The following COL21A1 variants were observed in gnomAD, a reference collection of about 807,000 sequenced individuals.
The protein encoded by COL21A1 is collagen type XXI alpha 1 chain.
A neutral mutation model predicts 137.9 loss-of-function variants in COL21A1; 149 were observed. That is an observed-to-expected ratio of 1.08 (90% confidence interval 0.95 to 1.24). The LOEUF is 1.24. Ranked by LOEUF, COL21A1 falls within the 50% of genes most tolerant of loss-of-function variation. The probability of loss-of-function intolerance (pLI) is 0.00; values close to 1 mark genes in which losing one functional copy is unlikely to be tolerated. For missense variants in COL21A1, 1,167 were observed against 1,158.4 expected, an observed-to-expected ratio of 1.01 and a Z score of -0.11; for synonymous variants, 456 against 391.5, an observed-to-expected ratio of 1.16 and a Z score of -1.95.
chr6:56,193,083 G>T (rs148870453), intron 1 of COL21A1, among the ~76,000 whole-genome samples: 1 of 152,154 alleles, frequency 6.6e-6, no homozygotes, highest in East Asian at 1.9e-4. Flanking sequence ...ATCAAACACC[G>T]CATGTTCTCA....
In COL21A1 at chr6:56,335,101, T is replaced by C. The variant is rs139386726; in HGVS notation, c.-39+58870A>G. On this transcript the variant is annotated intron_variant, in intron 1 of 28. Coordinates refer to the COL21A1 transcript ENST00000370819. ...TTTTTTTGGATAGACTAATACTAAC[T>C]GGGCTAACGATAGATGATGCAAAAA... Among the ~76,000 whole-genome samples, 289 of 152,158 alleles carry C rather than the reference T, an allele frequency of 1.9e-3. 3 individuals are homozygous for C. In the South Asian group the frequency reaches 0.026, roughly 14 times the overall value.
chr6:56,311,578 G>A (rs1028240523), intron 1 of COL21A1, among the ~76,000 whole-genome samples: 24 of 152,192 alleles, frequency 1.6e-4, no homozygotes, highest in African/African-American at 5.8e-4. Flanking sequence ...TACTTTTGAA[G>A]AGAACTGCTA....
chr6:56,310,574 G>C (rs910416818), intron 1 of COL21A1, among the ~76,000 whole-genome samples: 7 of 152,038 alleles, frequency 4.6e-5, no homozygotes, highest in African/African-American at 1.7e-4. Flanking sequence ...TATTTAATAG[G>C]ACTATTACTG....
At chr6:56,177,067 AAAG>A (rs1257235283) in intron 3 of COL21A1, among the ~76,000 whole-genome samples, 4 of 151,692 alleles carry the variant, frequency 2.6e-5, no homozygotes, top group Non-Finnish European at 4.4e-5. Context: ...AGTAGTAGAA[AAAG>A]AAGTAGTAGT....
At chr6:56,383,602 A>C (rs948921497) in intron 1 of COL21A1, among the ~76,000 whole-genome samples, 12 of 152,306 alleles carry the variant, frequency 7.9e-5, no homozygotes, top group Non-Finnish European at 1.5e-5. Context: ...ATAAGGAAAG[A>C]AAAGGCCTGA....
chr6:56,155,530 C>T (rs1775677628), intron 10 of COL21A1, among the ~76,000 whole-genome samples: 1 of 152,128 alleles, frequency 6.6e-6, no homozygotes, highest in Non-Finnish European at 1.5e-5. Context: ...ATTAATGCCT[C>T]ATGATAAAGA....
intron 1 of COL21A1, among the ~76,000 whole-genome samples, chr6:56,257,249 C>T (rs1763108811): frequency 6.6e-6 from 1 of 152,118 alleles, no homozygotes; most frequent in Admixed American, 6.5e-5. Flanking sequence ...TAGTTTAAGG[C>T]AGGGTACTAT....
At chr6:56,314,924 T>C (rs1764698031) in intron 1 of COL21A1, among the ~76,000 whole-genome samples, 2 of 152,170 alleles carry the variant, frequency 1.3e-5, no homozygotes, top group African/African-American at 2.4e-5. Flanking sequence ...TCCTTGGGAT[T>C]TGAGCACCTG....
chr6:56,279,847 T>TA, intron 1 of COL21A1, among the ~76,000 whole-genome samples: 1 of 152,278 alleles, frequency 6.6e-6, no homozygotes, highest in East Asian at 1.9e-4. Flanking sequence ...ACTTTCCCTT[T>TA]ATCTGTAAGA....
At chr6:56,272,242 T>C (rs1322554232) in intron 1 of COL21A1, among the ~76,000 whole-genome samples, 1 of 152,228 alleles carries the variant, frequency 6.6e-6, no homozygotes, top group Non-Finnish European at 1.5e-5. Context: ...ATCCCTTGCA[T>C]CAGCATTCCC....
intron 19 of COL21A1, among the ~76,000 whole-genome samples, chr6:56,074,593 C>T (rs2114115042): frequency 6.6e-6 from 1 of 151,356 alleles, no homozygotes; most frequent in South Asian, 2.1e-4. Context: ...TTTTTTTCTA[C>T]ACTTTTTCTT....
chr6:56,373,658 T>C (rs1322978204), intron 1 of COL21A1, among the ~76,000 whole-genome samples: 9 of 152,332 alleles, frequency 5.9e-5, no homozygotes, highest in African/African-American at 2.2e-4. Flanking sequence ...CTATTTATCT[T>C]GTATAACATG....
At chr6:56,222,095 A>G (rs1407987881) in intron 1 of COL21A1, among the ~76,000 whole-genome samples, 2 of 152,078 alleles carry the variant, frequency 1.3e-5, no homozygotes, top group African/African-American at 4.8e-5. Context: ...CAACATGGTG[A>G]AACCCCATCT....
intron 17 of COL21A1, among the ~76,000 whole-genome samples, chr6:56,084,742 G>A (rs554794370): frequency 6.6e-6 from 1 of 152,148 alleles, no homozygotes; most frequent in African/African-American, 2.4e-5. Context: ...AGAAATTACT[G>A]TTAAACGTTG....
At chr6:56,081,888 T>C (rs1202261222) in intron 17 of COL21A1, among the ~76,000 whole-genome samples, 1 of 151,908 alleles carries the variant, frequency 6.6e-6, no homozygotes. Context: ...AGGCTACTCA[T>C]GTTTATAATA....
At chr6:56,189,844 C>G (rs1005020231) in intron 1 of COL21A1, among the ~76,000 whole-genome samples, 3 of 152,078 alleles carry the variant, frequency 2.0e-5, no homozygotes, top group Non-Finnish European at 2.9e-5. Context: ...AATTTTCAAC[C>G]CAGAATTTCA....
At chr6:56,372,853 C>G (rs1256062344) in intron 1 of COL21A1, among the ~76,000 whole-genome samples, 1 of 152,140 alleles carries the variant, frequency 6.6e-6, no homozygotes, top group African/African-American at 2.4e-5. Flanking sequence ...GAACTCCTCT[C>G]TATGTTTAGG....
intron 1 of COL21A1, among the ~76,000 whole-genome samples, chr6:56,271,339 C>T (rs1464830898): frequency 6.6e-6 from 1 of 152,122 alleles, no homozygotes; most frequent in Admixed American, 6.6e-5. Flanking sequence ...AAAGAAATTT[C>T]CAAGCAGCAA....
At chr6:56,356,588 T>A (rs1268957704) in intron 1 of COL21A1, among the ~76,000 whole-genome samples, 1 of 152,238 alleles carries the variant, frequency 6.6e-6, no homozygotes. Flanking sequence ...TGTGGCCAGA[T>A]GGTGACAACT....
Sources: gnomAD v4.1 joint callset for allele counts (sites outside exome capture counted in the v4.1 genomes callset) on GRCh38, gnomAD v4.1.1 for gene constraint, MANE v1.5 for transcripts, NCBI Gene and HGNC (gene_info 2026-07-23, HGNC 2026-07-21) for gene names.